The following HDGFL3 variants were observed in gnomAD, a reference collection of about 807,000 sequenced individuals.
HDGFL3 encodes hepatoma-derived growth factor-related protein 3.
In HDGFL3, 6 loss-of-function variants were observed where a neutral mutation model predicts 27.6. That is an observed-to-expected ratio of 0.22 (90% CI 0.12 to 0.43). The LOEUF is 0.43. Among genes scored for constraint, HDGFL3 ranks in the 20% least tolerant of loss-of-function variants. The probability of loss-of-function intolerance (pLI) is 1.00; values close to 1 mark genes in which losing one functional copy is unlikely to be tolerated. For missense variants in HDGFL3, 207 were observed against 250.1 expected (o/e 0.83, Z 1.16); for synonymous variants, 88 against 88.9 (o/e 0.99, Z 0.05).
intron 1 of HDGFL3, among the ~76,000 whole-genome samples, chr15:83,182,215 A>C (rs1427624408): frequency 2.0e-5 from 3 of 150,556 alleles, no homozygotes; most frequent in Non-Finnish European, 1.5e-5. Flanking sequence ...AACAAACTAA[A>C]GTGTTATAAT....
At chr15:83,154,897 C>T (rs533045573) in intron 4 of HDGFL3, among the ~76,000 whole-genome samples, 5 of 152,104 alleles carry the variant, frequency 3.3e-5, no homozygotes, top group Non-Finnish European at 5.9e-5. Flanking sequence ...GAGACAGGGT[C>T]TCACTCTGTT....
intron 5 of HDGFL3, among the ~76,000 whole-genome samples, chr15:83,143,078 C>G (rs982373161): frequency 1.3e-5 from 2 of 152,048 alleles, no homozygotes; most frequent in Non-Finnish European, 2.9e-5. Context: ...TACAGTGGCA[C>G]AATCTCAGCT....
chr15:83,166,981 G>A (rs1053410295), intron 1 of HDGFL3, among the ~76,000 whole-genome samples: 6 of 152,244 alleles, frequency 3.9e-5, no homozygotes, highest in Middle Eastern at 3.4e-3. Context: ...AACCATATCA[G>A]CAACCAACAA....
At chr15:83,162,780 T>C (rs527289877) in intron 2 of HDGFL3, among the ~76,000 whole-genome samples, 1 of 152,336 alleles carries the variant, frequency 6.6e-6, no homozygotes, top group Admixed American at 6.5e-5. Flanking sequence ...CATGCTAGGC[T>C]CTACTAACGT....
At chr15:83,191,232 C>A (rs552115403) in intron 1 of HDGFL3, among the ~76,000 whole-genome samples, 2 of 152,234 alleles carry the variant, frequency 1.3e-5, no homozygotes, top group East Asian at 3.9e-4. Flanking sequence ...TCTCCTTGTT[C>A]AGAAATGTCT....
exon 4 of HDGFL3, chr15:83,114,854 C>T (rs1320916766): frequency 6.6e-6 from 1 of 152,182 alleles, no homozygotes; most frequent in Admixed American, 6.5e-5. Flanking sequence ...GTTATTTGTG[C>T]TAGTAGTTTT....
At chr15:83,115,744 G>A in intron 3 of HDGFL3, 1 of 834,778 alleles carries the variant, frequency 1.2e-6, no homozygotes, top group Non-Finnish European at 2.0e-6. Context: ...AGCATCTTCT[G>A]GAAAACATGA....
At chr15:83,146,396 C>T (rs1353107739) in intron 5 of HDGFL3, among the ~76,000 whole-genome samples, 2 of 152,220 alleles carry the variant, frequency 1.3e-5, no homozygotes, top group Non-Finnish European at 2.9e-5. Flanking sequence ...ACTGGAAATA[C>T]TAGTAGCACC....
chr15:83,160,805 G>C (rs974980690), intron 2 of HDGFL3, among the ~76,000 whole-genome samples: 1 of 152,052 alleles, frequency 6.6e-6, no homozygotes, highest in Admixed American at 6.6e-5. Flanking sequence ...TTGATCCCTC[G>C]CATTGTGCAG....
chr15:83,183,296 T>C (rs1008195568), intron 1 of HDGFL3, among the ~76,000 whole-genome samples: 1 of 152,048 alleles, frequency 6.6e-6, no homozygotes, highest in Non-Finnish European at 1.5e-5. Context: ...ATAATATACA[T>C]GCACAAGGCC....
At chr15:83,190,405 G>A (rs1471748275) in intron 1 of HDGFL3, among the ~76,000 whole-genome samples, 3 of 152,056 alleles carry the variant, frequency 2.0e-5, no homozygotes, top group Non-Finnish European at 2.9e-5. Context: ...AAAGGGGTTG[G>A]ACCAGTATAT....
chr15:83,124,566 G>A, downstream of HDGFL3: 1 of 807,504 alleles, frequency 1.2e-6, no homozygotes, highest in Non-Finnish European at 2.1e-6. Flanking sequence ...TATAAATTGT[G>A]CATCTTCAAA....
intron 2 of HDGFL3, 90 bp from the exon 3 acceptor site, chr15:83,158,131 T>C: frequency 9.0e-7 from 1 of 1,111,602 alleles, no homozygotes; most frequent in South Asian, 1.6e-5. Flanking sequence ...TGTCAGAGCA[T>C]ACTATAGCAA....
chr15:83,171,852 C>T (rs1488019697), intron 1 of HDGFL3, among the ~76,000 whole-genome samples: 1 of 152,070 alleles, frequency 6.6e-6, no homozygotes, highest in Non-Finnish European at 1.5e-5. Context: ...AGATAACAAA[C>T]CTGCACGTTT....
rs536118287 is a variant in HDGFL3 at position 83,162,475 on chromosome 15, G to T, written c.161+1524C>A. ...ACCAATGGTACAAAAATAAAATGGG[G>T]GCGGGAATAAGGAAAATGCAAAAAT... On this transcript the variant is annotated intron_variant, in intron 2 of 5. Transcript: ENST00000299633. Among the ~76,000 whole-genome samples the T allele has an allele frequency of 1.8e-4, 27 of 152,194 alleles. 1 individual carries two copies. The South Asian group carries it at 5.4e-3, about 30-fold the overall frequency.
chr15:83,124,786 A>C, downstream of HDGFL3: 5 of 1,594,712 alleles, frequency 3.1e-6, no homozygotes, highest in Non-Finnish European at 4.3e-6. Context: ...GGTAAGCATA[A>C]CAGATCATAA....
chr15:83,159,382 A>T (rs994011732), intron 2 of HDGFL3, among the ~76,000 whole-genome samples: 1 of 152,178 alleles, frequency 6.6e-6, no homozygotes, highest in Non-Finnish European at 1.5e-5. Context: ...AGATTCACAC[A>T]TTCCTTCATT....
At chr15:83,199,225 T>C (rs2037607920) in intron 1 of HDGFL3, among the ~76,000 whole-genome samples, 1 of 152,192 alleles carries the variant, frequency 6.6e-6, no homozygotes, top group Non-Finnish European at 1.5e-5. Context: ...CAACATATGG[T>C]AACTCTAAAA....
intron 1 of HDGFL3, among the ~76,000 whole-genome samples, chr15:83,203,427 TGCCCGGTTG>T (rs1453290074): frequency 6.6e-6 from 1 of 152,132 alleles, no homozygotes. Flanking sequence ...ATTTGGTGTG[TGCCCGGTTG>T]AGCAGGATTA....
Sources: allele counts gnomAD v4.1 joint callset (sites outside exome capture counted in the v4.1 genomes callset), GRCh38; gene constraint gnomAD v4.1.1; transcripts MANE v1.5; gene names NCBI Gene and HGNC (gene_info 2026-07-23, HGNC 2026-07-21).